The following PRSS57 variants were observed in gnomAD, a reference collection of about 807,000 sequenced individuals.
PRSS57 encodes the protein serine protease 57.
PRSS57 carries 19 observed loss-of-function variants against 20.6 expected under a neutral mutation model. The ratio of observed to expected loss-of-function variants is 0.92; its 90% CI spans 0.64 to 1.35. PRSS57 has a LOEUF of 1.35. PRSS57 is among the 40% of genes most tolerant of loss of function. PRSS57 has a pLI of 0.00. For missense variants in PRSS57, 440 were observed against 403.7 expected (o/e 1.09, Z -0.77); for synonymous variants, 203 against 176.6 (o/e 1.15, Z -1.19).
intron 3 of PRSS57, chr19:691,086 C>G: frequency 4.1e-6 from 1 of 241,500 alleles, no homozygotes; most frequent in Non-Finnish European, 8.3e-6. Context: ...TTCCCCAAGT[C>G]TCTCTTTCAG....
intron 1 of PRSS57, 27 bp from the exon 2 acceptor site, chr19:694,994 G>A: frequency 6.7e-7 from 1 of 1,500,272 alleles, no homozygotes; most frequent in Non-Finnish European, 8.9e-7. Context: ...CTGAGTCAGG[G>A]ACGAGGCGGG....
chr19:692,089 G>A, intron 2 of PRSS57, 87 bp from the exon 3 acceptor site: 1 of 1,219,310 alleles, frequency 8.2e-7, no homozygotes. Flanking sequence ...GGAGGCCCAG[G>A]CCGGGCACGG....
Position 692,400 on chromosome 19 carries a change from A to T in PRSS57, c.234-398T>A, listed in dbSNP as rs187233107. 2.8e-3 allele frequency among the ~76,000 whole-genome samples: 415 copies of T among 149,026 alleles called. 1 individual carries two copies. Among genetic ancestry groups the T allele is most frequent in the African/African-American group, 9.7e-3 (395 of 40,604 alleles). On this transcript the variant is annotated intron_variant, in intron 2 of 4. Transcript: ENST00000329267. The stretch of plus-strand genomic sequence containing the variant: ...ACAAAAAAAAAACAATTACTTTTGC[A>T]TCAACTTAATATTCTTTTCCTTTTT...
rs1331604319 is a variant in PRSS57, at chr19:694,951, C to G, written c.96G>C (p.Gln32His). The change falls in exon 2 of 5, where the codon CAG (glutamine) becomes CAC (histidine). Residue 32 changes from glutamine (Q) to histidine (H), a missense_variant. By Grantham distance (24) the Gln-to-His change is conservative. Coordinates refer to ENST00000329267, the MANE Select transcript of PRSS57 (RefSeq NM_001308209.2). ...PVKPPGSWGA[Q>H]IIGGHEVTPH... ...GGGTCACCTCGTGGCCCCCGATGATCTGGGCCCCCCAGGAGCCTGCTGGAG... is the reference window on the plus strand; with the variant it reads ...GGGTCACCTCGTGGCCCCCGATGATGTGGGCCCCCCAGGAGCCTGCTGGAG... 1 of 1,560,688 alleles carries G rather than the reference C, an allele frequency of 6.4e-7. No individual in the cohort carries two copies. The highest frequency in any genetic ancestry group is 8.7e-7 in the Non-Finnish European group (1 of 1,154,522).
In PRSS57 at chr19:685,633, A is replaced by G. The variant is rs1476538971; in HGVS notation, c.*83T>C. On this transcript the variant is annotated 3_prime_UTR_variant, in exon 5 of 5. Transcript: ENST00000329267. ...GCTGCCCGTCCCACCCCAACCCTGA[A>G]CATCAGGCTTCCCGTGGGGCCCAGC... 2 of 1,355,454 alleles carry G rather than the reference A, an allele frequency of 1.5e-6. No homozygotes were observed. Among genetic ancestry groups the G allele is most frequent in the Non-Finnish European group, 2.0e-6 (2 of 1,007,298 alleles). 84.0% of individuals were successfully genotyped at this position (1,355,454 alleles called of 1,614,324 possible).
intron 3 of PRSS57, among the ~76,000 whole-genome samples, chr19:688,008 C>T (rs538765435): frequency 6.6e-6 from 1 of 152,220 alleles, no homozygotes. Context: ...CTCTGGGCTC[C>T]CTGCAGCCTG....
intron 3 of PRSS57, chr19:691,032 T>C: frequency 2.8e-6 from 1 of 355,384 alleles, no homozygotes; most frequent in Non-Finnish European, 5.4e-6. Flanking sequence ...CCGCCTCTGA[T>C]ATCCTCTCTA....
At chr19:691,400 G>C (rs573772696) in intron 3 of PRSS57, among the ~76,000 whole-genome samples, 1 of 151,824 alleles carries the variant, frequency 6.6e-6, no homozygotes, top group East Asian at 1.9e-4. Flanking sequence ...AGCTACTTGG[G>C]TGGCTGAGGC....
At position 685,736 on chromosome 19, in the gene PRSS57, G is replaced by T; in HGVS notation, c.829C>A (p.Pro277Thr). ...QPGPLPGTTR[P>T]PGEAA Reference sequence around the variant, plus strand: ...GTGGCTCAGGCGGCTTCTCCTGGGGGCCTGGTGGTCCCAGGCAGGGGGCCG... The same window carrying T: ...GTGGCTCAGGCGGCTTCTCCTGGGGTCCTGGTGGTCCCAGGCAGGGGGCCG... Residue 277 changes from proline to threonine, a missense_variant, in exon 5 of 5, where the codon CCC (proline) becomes ACC (threonine). Coordinates refer to ENST00000329267, the MANE Select transcript of PRSS57 (RefSeq NM_001308209.2). 6.4e-7 allele frequency: 1 copy of T among 1,550,872 alleles called. No individual in the cohort carries two copies. The highest frequency in any genetic ancestry group is 8.8e-7 in the Non-Finnish European group (1 of 1,142,848).
intron 3 of PRSS57, among the ~76,000 whole-genome samples, chr19:688,123 T>C (rs1227119952): frequency 6.6e-6 from 1 of 152,236 alleles, no homozygotes. Context: ...CAGCTGATGC[T>C]CAGTTAATGG....
At chr19:688,662 G>A (rs1195706028) in intron 3 of PRSS57, among the ~76,000 whole-genome samples, 3 of 135,692 alleles carry the variant, frequency 2.2e-5, no homozygotes, top group Middle Eastern at 4.8e-3. Flanking sequence ...GCAGTGGCAC[G>A]ATCTCGGCTC....
chr19:685,864 G>A lies in PRSS57; in HGVS notation c.701C>T (p.Ser234Leu), dbSNP rs372449854. 77 of 1,557,808 alleles carry A rather than the reference G, an allele frequency of 4.9e-5. No homozygotes were observed. The highest frequency in any genetic ancestry group is 1.7e-4 in the Middle Eastern group (1 of 6,018). ...CTTGGGGTCGCCGCACCAGAGGCCC[G>A]AGAAGGAAACGAGGCCGTGAGCCCG... is the stretch of plus-strand genomic sequence containing the variant. ...RNRAHGLVSFSGLWCGDPKTP... is the reference protein window; with the variant it reads ...RNRAHGLVSFLGLWCGDPKTP... The change falls in exon 5 of 5, where the codon TCG (serine) becomes TTG (leucine). Residue 234 changes from serine to leucine, a missense_variant. Coordinates refer to ENST00000329267, the MANE Select transcript of PRSS57 (RefSeq NM_001308209.2).
chr19:692,427 CT>C (rs200740826), intron 2 of PRSS57, among the ~76,000 whole-genome samples: 35 of 98,844 alleles, frequency 3.5e-4, no homozygotes, highest in South Asian at 1.4e-3. Context: ...TTCCTTTTTT[CT>C]TTTTTTTTTT....
In PRSS57 at chr19:694,828, G is replaced by C. The variant is rs559372628; in HGVS notation, c.219C>G (p.His73Gln). The C allele has an allele frequency of 6.2e-7, 1 of 1,607,614 alleles. No homozygotes were observed. Among genetic ancestry groups the C allele is most frequent in the Non-Finnish European group, 8.5e-7 (1 of 1,177,918 alleles). ...GGTGAGCTCACCTGTGGCTGAAGCA[G>C]TGGGCGGCCGAGACCACCCAGCGGG... is the stretch of plus-strand genomic sequence containing the variant. Reference protein sequence around the residue: ...LRARWVVSAAHCFSHRDLRTG... With the variant: ...LRARWVVSAAQCFSHRDLRTG... The change falls in exon 2 of 5, where the codon CAC becomes CAG. Residue 73 changes from histidine to glutamine, a missense_variant. Physicochemically the swap from His to Gln is conservative, Grantham distance 24. Transcript: ENST00000329267.
intron 3 of PRSS57, among the ~76,000 whole-genome samples, chr19:688,983 G>T (rs1055908512): frequency 2.2e-4 from 33 of 152,278 alleles, no homozygotes; most frequent in African/African-American, 7.9e-4. Context: ...AACTTTGAGC[G>T]CCTGCTGTGT....
chr19:690,953 TG>T, intron 3 of PRSS57: 1 of 478,788 alleles, frequency 2.1e-6, no homozygotes. Flanking sequence ...CTGCTCATGA[TG>T]GCTGGTATCG....
intron 1 of PRSS57, 120 bp downstream of exon 1, chr19:695,224 ACGGGGGCT>A: frequency 2.0e-6 from 1 of 490,910 alleles, no homozygotes; most frequent in Non-Finnish European, 3.3e-6. Flanking sequence ...AGAGGCAGCC[ACGGGGGCT>A]CGGCAGATGG....
chr19:690,684 C>A, intron 3 of PRSS57: 1 of 295,754 alleles, frequency 3.4e-6, no homozygotes, highest in Non-Finnish European at 6.6e-6. Context: ...AGGTTCGAGG[C>A]GTCTGTTCCC....
In PRSS57 at chr19:685,648, T is replaced by G; in HGVS notation, c.*68A>C. 2.1e-6 allele frequency: 3 copies of G among 1,414,718 alleles called. No homozygotes were observed. The highest frequency in any genetic ancestry group is 2.8e-6 in the Non-Finnish European group (3 of 1,057,920). 87.6% of individuals were successfully genotyped at this position (1,414,718 alleles called of 1,614,324 possible). A position where few individuals can be genotyped will look rare whatever the true frequency, so the allele number is the denominator to read the frequency against. On this transcript the variant is annotated 3_prime_UTR_variant, in exon 5 of 5. Transcript: ENST00000329267. ...CCAACCCTGAACATCAGGCTTCCCG[T>G]GGGGCCCAGCCACGGAACATTCCAG...
Sources: gnomAD v4.1 joint callset for allele counts (sites outside exome capture counted in the v4.1 genomes callset) on GRCh38, gnomAD v4.1.1 for gene constraint, MANE v1.5 for transcripts, NCBI Gene and HGNC (gene_info 2026-07-23, HGNC 2026-07-21) for gene names.